Variants in MCTP1 observed in about 807,000 individuals in gnomAD.
MCTP1 encodes multiple C2 and transmembrane domain containing 1.
In MCTP1, 69 loss-of-function variants were observed where a neutral mutation model predicts 120.6. The ratio of observed to expected loss-of-function variants is 0.57; its 90% CI spans 0.47 to 0.70. The LOEUF (loss-of-function observed/expected upper bound fraction) is 0.70, where lower values mean the gene tolerates loss of function less well. Among genes scored for constraint, MCTP1 ranks in the 30% least tolerant of loss-of-function variants. MCTP1 has a pLI of 0.00. For synonymous variants in MCTP1, 529 were observed against 493.1 expected, an observed-to-expected ratio of 1.07 and a Z score of -0.96; for missense variants, 1,203 against 1,248.8, an observed-to-expected ratio of 0.96 and a Z score of 0.55.
chr5:95,082,056 A>G (rs1755011659), intron 1 of MCTP1, among the ~76,000 whole-genome samples: 2 of 152,226 alleles, frequency 1.3e-5, no homozygotes, highest in South Asian at 4.1e-4. Flanking sequence ...AACAATGTGT[A>G]GAAAAAAATT....
intron 5 of MCTP1, 144 bp from the exon 6 acceptor site, chr5:94,932,135 C>T (rs1385153328): frequency 2.0e-6 from 1 of 512,614 alleles, no homozygotes; most frequent in Non-Finnish European, 3.4e-6. Flanking sequence ...ACTTGTTTGC[C>T]ACGCACACAC....
chr5:94,862,261 T>C (rs577072707), intron 17 of MCTP1, among the ~76,000 whole-genome samples: 62 of 151,880 alleles, frequency 4.1e-4, no homozygotes, highest in Admixed American at 3.9e-3. Context: ...TCTACAGGGA[T>C]TAAATTCTTC....
At chr5:95,194,639 A>G (rs1750181804) in intron 1 of MCTP1, among the ~76,000 whole-genome samples, 1 of 152,210 alleles carries the variant, frequency 6.6e-6, no homozygotes, top group Non-Finnish European at 1.5e-5. Flanking sequence ...TTTTCAACTA[A>G]TATCATGGGG....
intron 1 of MCTP1, among the ~76,000 whole-genome samples, chr5:95,250,929 A>C (rs894378394): frequency 6.6e-6 from 1 of 152,176 alleles, no homozygotes; most frequent in Non-Finnish European, 1.5e-5. Flanking sequence ...GGACTAGTTG[A>C]TAAGAATAGC....
chr5:95,256,464 A>G (rs1341807853), intron 1 of MCTP1, among the ~76,000 whole-genome samples: 2 of 152,194 alleles, frequency 1.3e-5, no homozygotes, highest in African/African-American at 2.4e-5. Context: ...GAAAAGTCAG[A>G]GTACTTGGTA....
intron 1 of MCTP1, among the ~76,000 whole-genome samples, chr5:95,074,722 T>C (rs1002500181): frequency 2.0e-5 from 3 of 152,178 alleles, no homozygotes; most frequent in African/African-American, 7.2e-5. Context: ...GAATCTATGG[T>C]TCTACGTAGG....
At chr5:94,858,025 T>C (rs139050891) in intron 17 of MCTP1, among the ~76,000 whole-genome samples, 1 of 151,846 alleles carries the variant, frequency 6.6e-6, no homozygotes, top group East Asian at 1.9e-4. Flanking sequence ...TTCAAATACA[T>C]ACACTTTTTC....
intron 5 of MCTP1, among the ~76,000 whole-genome samples, chr5:94,939,555 G>A (rs1004153365): frequency 2.6e-5 from 4 of 151,926 alleles, no homozygotes; most frequent in Non-Finnish European, 5.9e-5. Context: ...TGGTGTGCAA[G>A]GACGTACAGA....
At chr5:95,160,924 T>C (rs1745658229) in intron 1 of MCTP1, among the ~76,000 whole-genome samples, 1 of 152,076 alleles carries the variant, frequency 6.6e-6, no homozygotes, top group Admixed American at 6.6e-5. Flanking sequence ...ATTGCTATTA[T>C]CAAAAAGAAA....
At chr5:95,131,265 G>GGAGCAAGAGAGAAACATCAAGGCT (rs1665233328) in intron 1 of MCTP1, among the ~76,000 whole-genome samples, 4 of 152,260 alleles carry the variant, frequency 2.6e-5, no homozygotes, top group Admixed American at 2.6e-4. Context: ...ACTGCAAGCA[G>GGAGCAAGAGAGAAACATCAAGGCT]GAGCAAGAGA....
chr5:94,852,652 T>C (rs989621541), intron 17 of MCTP1, among the ~76,000 whole-genome samples: 1 of 151,976 alleles, frequency 6.6e-6, no homozygotes, highest in Non-Finnish European at 1.5e-5. Context: ...AAATTGCCCA[T>C]ATATGTAACA....
chr5:95,118,277 CTTTT>C (rs574112967), intron 1 of MCTP1, among the ~76,000 whole-genome samples: 1 of 152,088 alleles, frequency 6.6e-6, no homozygotes, highest in Admixed American at 6.5e-5. Flanking sequence ...TATTAGTTTT[CTTTT>C]TGTTTGTTTG....
chr5:94,834,472 C>T (rs933395606), intron 17 of MCTP1, among the ~76,000 whole-genome samples: 3 of 152,118 alleles, frequency 2.0e-5, no homozygotes, highest in African/African-American at 7.2e-5. Flanking sequence ...GCTACAACTG[C>T]GTTTTATCAC....
At chr5:94,796,594 CACATAT>C (rs1043326686) in intron 18 of MCTP1, among the ~76,000 whole-genome samples, 1 of 128,062 alleles carries the variant, frequency 7.8e-6, no homozygotes, top group African/African-American at 2.9e-5. Context: ...CACACACACA[CACATAT>C]ATATAATATA....
chr5:94,856,660 C>A (rs1794769933), intron 17 of MCTP1, among the ~76,000 whole-genome samples: 1 of 151,620 alleles, frequency 6.6e-6, no homozygotes, highest in Admixed American at 6.6e-5. Flanking sequence ...AGGTATTACT[C>A]AGGTACTTTA....
intron 17 of MCTP1, among the ~76,000 whole-genome samples, chr5:94,824,606 G>T (rs764693992): frequency 7.2e-5 from 11 of 152,196 alleles, no homozygotes; most frequent in African/African-American, 2.7e-4. Context: ...GTTTCAGAAG[G>T]AATGGTTACC....
intron 3 of MCTP1, among the ~76,000 whole-genome samples, chr5:94,946,992 G>A (rs2153518203): frequency 6.6e-6 from 1 of 152,246 alleles, no homozygotes; most frequent in East Asian, 1.9e-4. Context: ...TGGGCTAGAT[G>A]GAACAGCCTC....
At chr5:95,217,085 CACTT>C (rs1753126707) in intron 1 of MCTP1, among the ~76,000 whole-genome samples, 1 of 152,174 alleles carries the variant, frequency 6.6e-6, no homozygotes, top group South Asian at 2.1e-4. Context: ...AAGACAGACT[CACTT>C]CTCAGTAAGA....
At chr5:94,831,474 A>T (rs1334392701) in intron 17 of MCTP1, among the ~76,000 whole-genome samples, 1 of 152,244 alleles carries the variant, frequency 6.6e-6, no homozygotes, top group African/African-American at 2.4e-5. Context: ...AGATTTTTTT[A>T]TAAGATCCTT....
Sources: gnomAD v4.1 joint callset for allele counts (sites outside exome capture counted in the v4.1 genomes callset) on GRCh38, gnomAD v4.1.1 for gene constraint, MANE v1.5 for transcripts, NCBI Gene and HGNC (gene_info 2026-07-23, HGNC 2026-07-21) for gene names.